Variants in TBX5 observed in about 807,000 individuals in gnomAD.
TBX5 encodes the protein T-box transcription factor 5.
Under a neutral mutation model 51.1 loss-of-function variants are expected in TBX5, and 8 were observed. The ratio of observed to expected loss-of-function variants is 0.16; its 90% CI spans 0.09 to 0.28. TBX5 has a LOEUF of 0.28. TBX5 is among the 10% of genes least tolerant of loss of function. The pLI is 1.00. For synonymous variants in TBX5, 302 were observed against 266.4 expected (o/e 1.13, Z -1.30); for missense variants, 589 against 671.7 (o/e 0.88, Z 1.36).
intron 8 of TBX5, among the ~76,000 whole-genome samples, chr12:114,357,114 G>A (rs894392413): frequency 3.9e-5 from 6 of 152,220 alleles, no homozygotes; most frequent in African/African-American, 1.2e-4. Context: ...GTAAGCATGT[G>A]CCTAGTTAGT....
intron 7 of TBX5, among the ~76,000 whole-genome samples, chr12:114,373,454 AGTTT>A (rs1238770445): frequency 6.6e-6 from 1 of 152,274 alleles, no homozygotes; most frequent in African/African-American, 2.4e-5. Context: ...TTCAAGCTAA[AGTTT>A]GTTTGTTTGT....
chr12:114,400,198 A>T (rs1273348994), intron 3 of TBX5, among the ~76,000 whole-genome samples: 1 of 152,154 alleles, frequency 6.6e-6, no homozygotes, highest in Non-Finnish European at 1.5e-5. Context: ...TTCCCAGTAT[A>T]ACTCGGTTAA....
At chr12:114,380,797 C>A (rs1870464347) in intron 7 of TBX5, among the ~76,000 whole-genome samples, 1 of 151,956 alleles carries the variant, frequency 6.6e-6, no homozygotes, top group African/African-American at 2.4e-5. Context: ...CCACTTCATG[C>A]CAGCCTGGAT....
At chr12:114,407,903 C>G, upstream of TBX5, 1 of 985,398 alleles carries the variant, frequency 1.0e-6, no homozygotes, top group Non-Finnish European at 1.2e-6. Flanking sequence ...TTGAAAAGGA[C>G]CACCAAAAGA....
chr12:114,382,593 G>C (rs1397824436), intron 7 of TBX5, among the ~76,000 whole-genome samples: 1 of 151,648 alleles, frequency 6.6e-6, no homozygotes, highest in Non-Finnish European at 1.5e-5. Flanking sequence ...GAGGTCAGGA[G>C]TTTGAGACCA....
At chr12:114,382,995 A>G (rs1225063624) in intron 7 of TBX5, among the ~76,000 whole-genome samples, 1 of 86,508 alleles carries the variant, frequency 1.2e-5, no homozygotes, top group Non-Finnish European at 2.7e-5. Flanking sequence ...AAAAAAAAAA[A>G]GAGCTTTTAG....
chr12:114,399,414 TAAA>T (rs55980450), intron 4 of TBX5, 96 bp downstream of exon 4: 548 of 1,402,020 alleles, frequency 3.9e-4, no homozygotes, highest in Middle Eastern at 5.7e-4. Flanking sequence ...CAGTAGGAAC[TAAA>T]AAAAAAAAAA....
intron 7 of TBX5, among the ~76,000 whole-genome samples, chr12:114,384,736 CACACACACA>C (rs1175831651): frequency 7.6e-6 from 1 of 131,122 alleles, no homozygotes; most frequent in Non-Finnish European, 1.6e-5. Flanking sequence ...CACACACACA[CACACACACA>C]ACACACACAC....
At chr12:114,378,893 C>A (rs1481957796) in intron 7 of TBX5, among the ~76,000 whole-genome samples, 1 of 152,198 alleles carries the variant, frequency 6.6e-6, no homozygotes, top group African/African-American at 2.4e-5. Context: ...GAGTGAGTCA[C>A]ATTCAACCAA....
chr12:114,399,690 G>T, intron 3 of TBX5, 58 bp from the exon 4 acceptor site: 1 of 1,612,930 alleles, frequency 6.2e-7, no homozygotes, highest in Admixed American at 1.7e-5. Context: ...GTATTTTAAG[G>T]CAGCCTCCAT....
intron 7 of TBX5, among the ~76,000 whole-genome samples, chr12:114,372,647 A>T (rs748410888): frequency 1.1e-4 from 17 of 152,040 alleles, no homozygotes; most frequent in Non-Finnish European, 1.5e-4. Flanking sequence ...ATATGATTTG[A>T]GGGGTGCCAA....
Position 114,405,702 on chromosome 12 carries a change from A to T in TBX5, c.-113T>A, listed in dbSNP as rs530841550. ...AGGGAAGCCGGCGGTGAGGCGGGGG[A>T]GCAGGCATGGTGGCTCCGGGGTTTA... is the stretch of plus-strand genomic sequence containing the variant. On this transcript the variant is annotated 5_prime_UTR_variant, in exon 1 of 9. Transcript: ENST00000405440. 2 of 985,368 alleles carry T rather than the reference A, an allele frequency of 2.0e-6. No individual in the cohort carries two copies. The highest frequency in any genetic ancestry group is 2.3e-4 in the East Asian group (2 of 8,774). 61.0% of individuals were successfully genotyped at this position (985,368 alleles called of 1,614,324 possible).
rs561439634 is a variant in TBX5 at position 114,354,279 on chromosome 12, G to A, written c.*1253C>T. ...AAAGCTCTTGGCCAGCTCCTATGCT[G>A]GGTTTCATTTCATGTTATTACTTAA... On this transcript the variant is annotated 3_prime_UTR_variant, in exon 9 of 9. Coordinates refer to ENST00000405440, the MANE Select transcript of TBX5 (RefSeq NM_181486.4). The A allele has an allele frequency of 5.9e-5, 9 of 152,254 alleles. No individual in the cohort carries two copies. The South Asian group carries it at 1.7e-3, about 28-fold the overall frequency. The allele number at this position is 152,254 out of a possible 1,614,324, so 9.4% of individuals were successfully genotyped here.
chr12:114,357,357 A>C (rs1460588884), intron 8 of TBX5, among the ~76,000 whole-genome samples: 1 of 152,248 alleles, frequency 6.6e-6, no homozygotes, highest in African/African-American at 2.4e-5. Context: ...CTGCATGTGC[A>C]TACAAGGCTT....
At chr12:114,391,425 A>C (rs560229898) in intron 6 of TBX5, among the ~76,000 whole-genome samples, 1 of 152,342 alleles carries the variant, frequency 6.6e-6, no homozygotes, top group African/African-American at 2.4e-5. Flanking sequence ...CCCTGTTAAT[A>C]AACTGATCTG....
chr12:114,377,332 A>G (rs1870248274), intron 7 of TBX5, among the ~76,000 whole-genome samples: 1 of 152,170 alleles, frequency 6.6e-6, no homozygotes, highest in South Asian at 2.1e-4. Flanking sequence ...TAGAAGAGGG[A>G]AGGTTCAAAT....
chr12:114,356,663 C>A (rs1306073271), intron 8 of TBX5, among the ~76,000 whole-genome samples: 3 of 152,168 alleles, frequency 2.0e-5, no homozygotes, highest in Non-Finnish European at 4.4e-5. Context: ...TGACTATATT[C>A]CCAGAACCTA....
intron 5 of TBX5, among the ~76,000 whole-genome samples, chr12:114,396,231 C>T (rs1028889095): frequency 2.6e-5 from 4 of 151,336 alleles, no homozygotes; most frequent in East Asian, 2.0e-4. Context: ...CTCCGGCCGC[C>T]GTGGCCCGGC....
chr12:114,395,530 T>A (rs974364318), intron 5 of TBX5, among the ~76,000 whole-genome samples: 26 of 152,018 alleles, frequency 1.7e-4, no homozygotes, highest in Admixed American at 3.3e-4. Context: ...GGGTCACGGG[T>A]GATCTGCCCT....
Sources: allele counts gnomAD v4.1 joint callset (sites outside exome capture counted in the v4.1 genomes callset), GRCh38; gene constraint gnomAD v4.1.1; transcripts MANE v1.5; gene names NCBI Gene and HGNC (gene_info 2026-07-23, HGNC 2026-07-21).